UGT2B11: variants seen among roughly 807,000 people sequenced by gnomAD.
UGT2B11 encodes UDP glucuronosyltransferase family 2 member B11.
A neutral mutation model predicts 51.7 loss-of-function variants in UGT2B11; 49 were observed. The ratio of observed to expected loss-of-function variants is 0.95; its 90% confidence interval spans 0.75 to 1.20. UGT2B11 has a LOEUF of 1.20. Ranked by LOEUF, UGT2B11 falls within the 50% of genes most tolerant of loss-of-function variation. The probability of loss-of-function intolerance (pLI) is 0.00; values close to 1 mark genes in which losing one functional copy is unlikely to be tolerated. For synonymous variants in UGT2B11, 273 were observed against 209.0 expected (o/e 1.31, Z -2.64); for missense variants, 810 against 622.1 (o/e 1.30, Z -3.21).
chr4:69,214,900 C>T (rs1329712632), upstream of UGT2B11: 1 of 1,009,916 alleles, frequency 9.9e-7, no homozygotes. Context: ...CATATTTACT[C>T]AAGGATGTTT....
At chr4:69,202,547 A>C (rs574157572) in intron 5 of UGT2B11, among the ~76,000 whole-genome samples, 53 of 151,822 alleles carry the variant, frequency 3.5e-4, no homozygotes, top group Non-Finnish European at 5.6e-4. Context: ...GACGTACTCT[A>C]GGAAAATGTG....
At chr4:69,219,368 C>T (rs1340644778), upstream of UGT2B11, among the ~76,000 whole-genome samples, 2 of 152,088 alleles carry the variant, frequency 1.3e-5, no homozygotes, top group Non-Finnish European at 2.9e-5. Context: ...GCATAGTTTA[C>T]AATTATATTC....
At chr4:69,223,541 T>C in the UGT2B11 span, among the ~76,000 whole-genome samples, 2 of 152,162 alleles carry the variant, frequency 1.3e-5, no homozygotes, top group African/African-American at 4.8e-5. Context: ...TGCCAATGCA[T>C]CCTACCTGTT....
At chr4:69,201,508 C>G (rs1430447406) in intron 5 of UGT2B11, among the ~76,000 whole-genome samples, 3 of 151,792 alleles carry the variant, frequency 2.0e-5, no homozygotes, top group Non-Finnish European at 4.4e-5. Context: ...AAGCTTTTTT[C>G]TAACACTTTT....
chr4:69,208,581 T>C (rs1721946469), intron 2 of UGT2B11, 99 bp from the exon 3 acceptor site: 1 of 1,537,112 alleles, frequency 6.5e-7, no homozygotes, highest in East Asian at 2.3e-5. Context: ...ATCAAGTATT[T>C]TGAGGAATTA....
chr4:69,209,737 C>A lies in UGT2B11; in HGVS notation c.871-1255G>T, dbSNP rs549613470. 7.3e-5 allele frequency among the ~76,000 whole-genome samples: 11 copies of A among 151,630 alleles called. No homozygotes were observed. In the East Asian group the frequency reaches 2.0e-3, roughly 27 times the overall value. On this transcript the variant is annotated intron_variant, in intron 2 of 5. Transcript: ENST00000446444. ...GTGTGATTGCAGTTACCTGTAGCCA[C>A]ATTTAATGTAACTCGTTTTCAGTGT...
At chr4:69,219,508 G>C (rs915548710), upstream of UGT2B11, among the ~76,000 whole-genome samples, 1 of 151,936 alleles carries the variant, frequency 6.6e-6, no homozygotes, top group Non-Finnish European at 1.5e-5. Flanking sequence ...CTGTACTAGC[G>C]TTTTCTCATG....
the UGT2B11 span, among the ~76,000 whole-genome samples, chr4:69,221,366 C>T: frequency 6.6e-6 from 1 of 152,142 alleles, no homozygotes. Flanking sequence ...GAGCTTCAGG[C>T]CTTTAGGGAT....
upstream of UGT2B11, chr4:69,214,868 G>T: frequency 1.5e-6 from 2 of 1,294,750 alleles, no homozygotes; most frequent in Non-Finnish European, 2.1e-6. Flanking sequence ...ATGGCAAGGA[G>T]ACAAACAAAG....
At chr4:69,220,851 C>G in the UGT2B11 span, among the ~76,000 whole-genome samples, 11 of 152,240 alleles carry the variant, frequency 7.2e-5, no homozygotes, top group East Asian at 1.9e-3. Context: ...GTCTAGGGCT[C>G]TCCGATTTTG....
chr4:69,204,233 G>A, intron 5 of UGT2B11, 197 bp downstream of exon 5: 1 of 698,544 alleles, frequency 1.4e-6, no homozygotes, highest in South Asian at 4.0e-5. Context: ...TTCACTAACT[G>A]GTTACTCATT....
At chr4:69,207,524 G>A (rs1037474065) in intron 3 of UGT2B11, among the ~76,000 whole-genome samples, 4 of 151,550 alleles carry the variant, frequency 2.6e-5, no homozygotes, top group Non-Finnish European at 1.5e-5. Context: ...TCTTCCTTCT[G>A]TTTGACTCCT....
chr4:69,204,542 G>C lies in UGT2B11; in HGVS notation c.1198C>G (p.Pro400Ala). ...MVGIPLFFDQPDNIAHMKAKG... is the reference protein window; with the variant it reads ...MVGIPLFFDQADNIAHMKAKG... ...GCCTTCATGTGAGCAATGTTATCAG[G>C]TTGATCAAAAAACAATGGAATGCCC... The change falls in exon 5 of 6, where the codon CCT becomes GCT. Residue 400 changes from proline (P) to alanine (A), a missense_variant. Coordinates refer to ENST00000446444, the MANE Select transcript of UGT2B11 (RefSeq NM_001073.3). The C allele has an allele frequency of 6.2e-7, 1 of 1,612,262 alleles. No individual in the cohort carries two copies. The highest frequency in any genetic ancestry group is 8.5e-7 in the Non-Finnish European group (1 of 1,178,892).
At position 69,212,649 on chromosome 4, in the gene UGT2B11, T is replaced by C. The variant is rs1577966073; in HGVS notation, c.794A>G (p.Gln265Arg). ...GTTTGGTAAGAATGGATGAGGAAAT[T>C]GAAAACTCCAGGAGTTTCGCATAAG... ...IWLMRNSWSF[Q>R]FPHPFLPNVD... The change falls in exon 2 of 6, where the codon CAA becomes CGA. Residue 265 changes from glutamine to arginine, a missense_variant. Transcript: ENST00000446444. The C allele has an allele frequency of 6.2e-7, 1 of 1,610,842 alleles. No homozygotes were observed. Among genetic ancestry groups the C allele is most frequent in the East Asian group, 2.2e-5 (1 of 44,746 alleles).
the UGT2B11 span, among the ~76,000 whole-genome samples, chr4:69,221,150 C>T: frequency 9.9e-5 from 15 of 152,124 alleles, no homozygotes; most frequent in Non-Finnish European, 1.5e-4. Flanking sequence ...ACAGTTCTTT[C>T]GGAGTGCCAT....
rs1253492024 is a variant in UGT2B11, at chr4:69,200,261, G to A, written c.*179C>T. ...ACAAAATATTTCTAACCATTACCTG[G>A]GTGGTAAATCTCTGAAAAACAAATT... is the stretch of plus-strand genomic sequence containing the variant. On this transcript the variant is annotated 3_prime_UTR_variant, in exon 6 of 6. Transcript: ENST00000446444. 1.2e-6 allele frequency: 1 copy of A among 860,738 alleles called. No homozygotes were observed. The highest frequency in any genetic ancestry group is 1.6e-6 in the Non-Finnish European group (1 of 633,820). The allele number at this position is 860,738 out of a possible 1,614,324, so 53.3% of individuals were successfully genotyped here. A position where few individuals can be genotyped will look rare whatever the true frequency, so the allele number is the denominator to read the frequency against.
At chr4:69,221,370 T>A in the UGT2B11 span, among the ~76,000 whole-genome samples, 20,385 of 152,154 alleles carry the variant, frequency 0.13, 1,529 homozygotes, top group African/African-American at 0.18. Flanking sequence ...TTCAGGCCTT[T>A]AGGGATATTG....
chr4:69,201,025 C>T (rs1026862473), intron 5 of UGT2B11: 8 of 212,396 alleles, frequency 3.8e-5, no homozygotes, highest in Admixed American at 5.4e-5. Flanking sequence ...TTTTGTGGGT[C>T]CATATTAAGT....
chr4:69,218,675 A>T (rs569717520), upstream of UGT2B11, among the ~76,000 whole-genome samples: 259 of 152,094 alleles, frequency 1.7e-3, no homozygotes, highest in Admixed American at 3.7e-3. Context: ...TCCACACAGG[A>T]AGGAATTCAA....
Sources: gnomAD v4.1 joint callset for allele counts (sites outside exome capture counted in the v4.1 genomes callset) on GRCh38, gnomAD v4.1.1 for gene constraint, MANE v1.5 for transcripts, NCBI Gene and HGNC (gene_info 2026-07-23, HGNC 2026-07-21) for gene names.